The following NWD2 variants were observed in gnomAD, a reference collection of about 807,000 sequenced individuals.
NWD2 encodes the protein NACHT and WD repeat domain-containing protein 2.
In NWD2, 37 loss-of-function variants were observed where a neutral mutation model predicts 132.7. That is an observed-to-expected ratio of 0.28 (90% confidence interval 0.21 to 0.37). The LOEUF (loss-of-function observed/expected upper bound fraction) is 0.37, where lower values mean the gene tolerates loss of function less well. Ranked by LOEUF, NWD2 falls within the 10% of genes least tolerant of loss-of-function variation. The probability of loss-of-function intolerance (pLI) is 1.00; values close to 1 mark genes in which losing one functional copy is unlikely to be tolerated. For missense variants in NWD2, 1,592 were observed against 2,122.4 expected, an observed-to-expected ratio of 0.75 and a Z score of 4.91; for synonymous variants, 705 against 803.0, an observed-to-expected ratio of 0.88 and a Z score of 2.06.
At chr4:37,354,270 A>G (rs535947498) in intron 2 of NWD2, among the ~76,000 whole-genome samples, 1 of 152,204 alleles carries the variant, frequency 6.6e-6, no homozygotes, top group East Asian at 1.9e-4. Flanking sequence ...CCTGTATGAG[A>G]TGTCTGTTGA....
chr4:37,426,173 G>C (rs1712003248), intron 3 of NWD2, among the ~76,000 whole-genome samples: 1 of 152,158 alleles, frequency 6.6e-6, no homozygotes. Flanking sequence ...ATATCTTACT[G>C]AAAAATGTGG....
At chr4:37,397,233 G>A (rs1206300741) in intron 3 of NWD2, among the ~76,000 whole-genome samples, 2 of 152,072 alleles carry the variant, frequency 1.3e-5, no homozygotes, top group African/African-American at 2.4e-5. Flanking sequence ...CTTCCTTCAG[G>A]TTTTAATGAA....
intron 3 of NWD2, among the ~76,000 whole-genome samples, chr4:37,370,226 T>C (rs1045035688): frequency 2.6e-5 from 4 of 152,238 alleles, no homozygotes; most frequent in African/African-American, 9.6e-5. Flanking sequence ...GACTGGAGAA[T>C]AGGGAATTTC....
intron 3 of NWD2, among the ~76,000 whole-genome samples, chr4:37,363,152 A>G (rs1560404549): frequency 6.6e-6 from 1 of 152,176 alleles, no homozygotes; most frequent in Non-Finnish European, 1.5e-5. Flanking sequence ...AACTCAAAAA[A>G]CAACAGATGC....
intron 3 of NWD2, among the ~76,000 whole-genome samples, chr4:37,360,734 G>A (rs1719964989): frequency 1.3e-5 from 2 of 152,246 alleles, no homozygotes; most frequent in Non-Finnish European, 2.9e-5. Context: ...AGAGGAATAC[G>A]GCCTTTTGGA....
intron 3 of NWD2, among the ~76,000 whole-genome samples, chr4:37,359,777 A>G (rs553534817): frequency 6.6e-6 from 1 of 152,244 alleles, no homozygotes; most frequent in African/African-American, 2.4e-5. Context: ...TTCATTTCCT[A>G]TAAGTTGTCA....
At chr4:37,314,243 G>A (rs978968739) in intron 1 of NWD2, among the ~76,000 whole-genome samples, 2 of 152,096 alleles carry the variant, frequency 1.3e-5, no homozygotes, top group Non-Finnish European at 2.9e-5. Context: ...ATATTGGTCG[G>A]TAGTTTTTGT....
At chr4:37,368,099 G>A (rs1026888763) in intron 3 of NWD2, among the ~76,000 whole-genome samples, 1 of 152,104 alleles carries the variant, frequency 6.6e-6, no homozygotes, top group Admixed American at 6.6e-5. Context: ...AGCCTAGTGT[G>A]TGATATACTT....
intron 1 of NWD2, among the ~76,000 whole-genome samples, chr4:37,250,524 G>T (rs148824247): frequency 6.6e-5 from 10 of 152,314 alleles, no homozygotes; most frequent in Admixed American, 5.2e-4. Flanking sequence ...TTATTGAGTA[G>T]ATTACATAAG....
At chr4:37,308,892 T>C (rs1469106391) in intron 1 of NWD2, among the ~76,000 whole-genome samples, 2 of 656 alleles carry the variant, frequency 3.0e-3, no homozygotes, top group African/African-American at 0.012. Flanking sequence ...TCACTGATGG[T>C]ATGGGCCCTA....
At chr4:37,261,702 A>G (rs1313818557) in intron 1 of NWD2, among the ~76,000 whole-genome samples, 2 of 152,238 alleles carry the variant, frequency 1.3e-5, no homozygotes, top group African/African-American at 4.8e-5. Context: ...GGGGACCATA[A>G]TGTAAATATA....
intron 2 of NWD2, among the ~76,000 whole-genome samples, chr4:37,329,237 T>C (rs1490806172): frequency 6.6e-6 from 1 of 152,170 alleles, no homozygotes; most frequent in African/African-American, 2.4e-5. Flanking sequence ...GCAACCAACA[T>C]TCTAAGTGCT....
intron 1 of NWD2, among the ~76,000 whole-genome samples, chr4:37,275,919 C>T (rs1415656971): frequency 1.3e-5 from 2 of 152,074 alleles, no homozygotes; most frequent in African/African-American, 4.8e-5. Flanking sequence ...AAACTGGATC[C>T]CTTCGTTACA....
At chr4:37,380,210 T>C (rs1470659688) in intron 3 of NWD2, among the ~76,000 whole-genome samples, 1 of 152,214 alleles carries the variant, frequency 6.6e-6, no homozygotes, top group East Asian at 1.9e-4. Context: ...AAAATTGTAG[T>C]TGGAATTCAA....
At chr4:37,418,091 GA>G (rs1238321772) in intron 3 of NWD2, among the ~76,000 whole-genome samples, 3 of 152,066 alleles carry the variant, frequency 2.0e-5, no homozygotes, top group African/African-American at 7.2e-5. Flanking sequence ...GCTCCTTAGA[GA>G]AATGGATTAT....
At chr4:37,305,790 T>A (rs139984421) in intron 1 of NWD2, among the ~76,000 whole-genome samples, 1 of 152,328 alleles carries the variant, frequency 6.6e-6, no homozygotes, top group Non-Finnish European at 1.5e-5. Context: ...GTTTTCTTTT[T>A]TGGCTGTCTT....
At chr4:37,267,579 C>T (rs971085702) in intron 1 of NWD2, among the ~76,000 whole-genome samples, 18 of 152,036 alleles carry the variant, frequency 1.2e-4, no homozygotes, top group East Asian at 3.9e-4. Context: ...ACCTCACCCA[C>T]GGATGCATCT....
intron 1 of NWD2, among the ~76,000 whole-genome samples, chr4:37,269,624 A>G (rs1717828381): frequency 6.6e-6 from 1 of 151,878 alleles, no homozygotes; most frequent in African/African-American, 2.4e-5. Context: ...GGGTCCTGCC[A>G]CTCAGCATAA....
intron 2 of NWD2, among the ~76,000 whole-genome samples, chr4:37,332,939 G>A (rs1019150348): frequency 1.3e-5 from 2 of 152,202 alleles, no homozygotes; most frequent in Non-Finnish European, 2.9e-5. Flanking sequence ...GTGAATGTTG[G>A]CAGTAGCCAG....
Sources: allele counts gnomAD v4.1 joint callset (sites outside exome capture counted in the v4.1 genomes callset), GRCh38; gene constraint gnomAD v4.1.1; transcripts MANE v1.5; gene names NCBI Gene and HGNC (gene_info 2026-07-23, HGNC 2026-07-21).